Variants in WDR27 observed in about 807,000 individuals in gnomAD.
The protein encoded by WDR27 is WD repeat-containing protein 27.
In WDR27, 100 loss-of-function variants were observed where a neutral mutation model predicts 114.4. That is an observed-to-expected ratio of 0.87 (90% CI 0.74 to 1.03). WDR27 has a LOEUF of 1.03. Among genes scored for constraint, WDR27 ranks in the 50% least tolerant of loss-of-function variants. The pLI is 0.00. For missense variants in WDR27, 1,129 were observed against 1,092.9 expected, an observed-to-expected ratio of 1.03 and a Z score of -0.47; for synonymous variants, 449 against 423.1, an observed-to-expected ratio of 1.06 and a Z score of -0.75.
chr6:169,638,792 G>A (rs1818381442), intron 17 of WDR27, 132 bp from the exon 18 acceptor site: 3 of 1,134,344 alleles, frequency 2.6e-6, no homozygotes, highest in Admixed American at 4.7e-5. Flanking sequence ...CGCGCCAGGA[G>A]GCTTCTCCTC....
chr6:169,613,115 G>A (rs866563165), intron 22 of WDR27, among the ~76,000 whole-genome samples: 3 of 152,258 alleles, frequency 2.0e-5, no homozygotes, highest in South Asian at 2.1e-4. Context: ...TTTACTTAAT[G>A]ATAGTATATC....
intron 24 of WDR27, among the ~76,000 whole-genome samples, chr6:169,577,984 TA>T: frequency 6.6e-6 from 1 of 152,066 alleles, no homozygotes; most frequent in Non-Finnish European, 1.5e-5. Flanking sequence ...CCAATTCACA[TA>T]AAAAAATTCC....
intron 21 of WDR27, among the ~76,000 whole-genome samples, chr6:169,621,750 ACG>A (rs1333890622): frequency 9.2e-5 from 14 of 151,974 alleles, no homozygotes; most frequent in African/African-American, 3.1e-4. Flanking sequence ...ACACACACAC[ACG>A]CACACATATA....
intron 25 of WDR27, among the ~76,000 whole-genome samples, chr6:169,553,491 C>T (rs1798469903): frequency 6.6e-6 from 1 of 152,142 alleles, no homozygotes; most frequent in African/African-American, 2.4e-5. Flanking sequence ...CCAAAACACA[C>T]AGATCAGCTG....
intron 22 of WDR27, among the ~76,000 whole-genome samples, chr6:169,603,333 A>G (rs1379848682): frequency 6.6e-6 from 1 of 152,070 alleles, no homozygotes; most frequent in Non-Finnish European, 1.5e-5. Context: ...TGTCATAAAC[A>G]TTTGTCACAA....
At chr6:169,603,539 TC>T (rs944460828) in intron 22 of WDR27, among the ~76,000 whole-genome samples, 2 of 152,252 alleles carry the variant, frequency 1.3e-5, no homozygotes, top group Admixed American at 1.3e-4. Context: ...GTCTTTGTTT[TC>T]CTTTAACAAA....
the WDR27 span, among the ~76,000 whole-genome samples, chr6:169,445,317 TAATA>T: frequency 6.6e-6 from 1 of 152,142 alleles, no homozygotes; most frequent in Non-Finnish European, 1.5e-5. Context: ...GGAAAATCCC[TAATA>T]AATACACAGA....
intron 25 of WDR27, among the ~76,000 whole-genome samples, chr6:169,489,420 T>G (rs1201413745): frequency 1.3e-5 from 2 of 152,244 alleles, no homozygotes; most frequent in Non-Finnish European, 2.9e-5. Context: ...CTCCTACTTC[T>G]GCACTGGGCA....
intron 21 of WDR27, 71 bp downstream of exon 21, chr6:169,632,876 C>T: frequency 6.5e-6 from 9 of 1,381,434 alleles, no homozygotes; most frequent in East Asian, 2.5e-5. Context: ...TGGCATCATA[C>T]ATTTGTATCT....
At chr6:169,618,749 C>T (rs1584629434) in intron 21 of WDR27, among the ~76,000 whole-genome samples, 1 of 151,654 alleles carries the variant, frequency 6.6e-6, no homozygotes, top group Admixed American at 6.6e-5. Context: ...AGCATTTGGG[C>T]CAATGATAAT....
At chr6:169,596,237 T>C (rs1216319657) in intron 23 of WDR27, among the ~76,000 whole-genome samples, 6 of 152,124 alleles carry the variant, frequency 3.9e-5, no homozygotes, top group Non-Finnish European at 8.8e-5. Context: ...GTCCAGGGAC[T>C]CCTTTTACAT....
chr6:169,542,659 G>A (rs542118513), intron 25 of WDR27, among the ~76,000 whole-genome samples: 5 of 152,098 alleles, frequency 3.3e-5, no homozygotes, highest in South Asian at 2.1e-4. Context: ...TCCTGACTTC[G>A]GTAATTGTCC....
chr6:169,445,972 T>C, the WDR27 span, among the ~76,000 whole-genome samples: 1 of 152,214 alleles, frequency 6.6e-6, no homozygotes, highest in Non-Finnish European at 1.5e-5. Context: ...AGCCTGTGAT[T>C]TGTGTTTACA....
intron 14 of WDR27, among the ~76,000 whole-genome samples, chr6:169,649,535 GCTTTTC>G (rs1821697849): frequency 6.6e-6 from 1 of 151,838 alleles, no homozygotes; most frequent in Non-Finnish European, 1.5e-5. Flanking sequence ...CTGATGCTTG[GCTTTTC>G]CTTTAAGTCC....
At chr6:169,685,026 G>A (rs892638355) in intron 2 of WDR27, among the ~76,000 whole-genome samples, 3 of 152,108 alleles carry the variant, frequency 2.0e-5, no homozygotes, top group African/African-American at 7.2e-5. Context: ...AATTCTCTTA[G>A]TCAAGGCCAT....
In WDR27 at chr6:169,679,524, G is replaced by A. The variant is rs751468391; in HGVS notation, c.190-7128C>T. 1.4e-4 allele frequency among the ~76,000 whole-genome samples: 21 copies of A among 152,212 alleles called. No individual in the cohort carries two copies. In the South Asian group the frequency reaches 1.5e-3, roughly 11 times the overall value. On this transcript the variant is annotated intron_variant, in intron 2 of 25. Coordinates refer to ENST00000448612, the MANE Select transcript of WDR27 (RefSeq NM_182552.5). Reference sequence around the variant, plus strand: ...TGGTGGGAGGTGTTTGGGTCATGCCGGCTGATCCCTCATGGCTTAATGCTG... The same window carrying A: ...TGGTGGGAGGTGTTTGGGTCATGCCAGCTGATCCCTCATGGCTTAATGCTG...
chr6:169,431,773 G>T, the WDR27 span, among the ~76,000 whole-genome samples: 1 of 152,190 alleles, frequency 6.6e-6, no homozygotes, highest in African/African-American at 2.4e-5. Context: ...TGGGACTCCA[G>T]CATGTTCAAA....
intron 25 of WDR27, among the ~76,000 whole-genome samples, chr6:169,551,737 C>CAAAAAAAAAAAAA (rs1296878043): frequency 1.6e-5 from 1 of 60,690 alleles, no homozygotes; most frequent in African/African-American, 4.5e-5. Context: ...GACTCCATCT[C>CAAAAAAAAAAAAA]AAAAAAAAAA....
chr6:169,478,315 G>C (rs1039344535), intron 25 of WDR27, among the ~76,000 whole-genome samples: 4 of 152,114 alleles, frequency 2.6e-5, no homozygotes, highest in Non-Finnish European at 5.9e-5. Flanking sequence ...CCACATGTTG[G>C]ACAAAGTAAT....
Sources: allele counts gnomAD v4.1 joint callset (sites outside exome capture counted in the v4.1 genomes callset), GRCh38; gene constraint gnomAD v4.1.1; transcripts MANE v1.5; gene names NCBI Gene and HGNC (gene_info 2026-07-23, HGNC 2026-07-21).